Variants in GNAQ observed in about 807,000 individuals in gnomAD.
The protein encoded by GNAQ is G protein subunit alpha q.
GNAQ carries 8 observed loss-of-function variants against 43.9 expected under a neutral mutation model. That is an observed-to-expected ratio of 0.18 (90% CI 0.11 to 0.33). GNAQ has a LOEUF of 0.33. Ranked by LOEUF, GNAQ falls within the 10% of genes least tolerant of loss-of-function variation. The pLI is 1.00. For missense variants in GNAQ, 158 were observed against 450.8 expected (o/e 0.35, Z 5.88); for synonymous variants, 155 against 170.7 (o/e 0.91, Z 0.71).
At chr9:77,925,817 G>C (rs937672705) in intron 1 of GNAQ, among the ~76,000 whole-genome samples, 2 of 152,124 alleles carry the variant, frequency 1.3e-5, no homozygotes, top group African/African-American at 4.8e-5. Flanking sequence ...ATTGGTTCCA[G>C]GATTTCCCTC....
intron 2 of GNAQ, among the ~76,000 whole-genome samples, chr9:77,895,177 G>A (rs1433199911): frequency 1.4e-5 from 2 of 139,148 alleles, no homozygotes; most frequent in African/African-American, 5.3e-5. Flanking sequence ...CAGCCTGGGT[G>A]ACAGAGCGAG....
chr9:77,969,851 C>G (rs1349091674), intron 1 of GNAQ, among the ~76,000 whole-genome samples: 1 of 152,144 alleles, frequency 6.6e-6, no homozygotes, highest in Non-Finnish European at 1.5e-5. Flanking sequence ...GCATGCATTC[C>G]GTAGACACAG....
chr9:78,026,329 G>A (rs891297873), intron 1 of GNAQ, among the ~76,000 whole-genome samples: 1 of 152,178 alleles, frequency 6.6e-6, no homozygotes, highest in Admixed American at 6.5e-5. Context: ...CGAAGGCTTT[G>A]TTATACAGTC....
At chr9:77,814,708 C>T (rs1826984402) in intron 3 of GNAQ, among the ~76,000 whole-genome samples, 1 of 152,172 alleles carries the variant, frequency 6.6e-6, no homozygotes, top group South Asian at 2.1e-4. Context: ...CAAGGGCCCA[C>T]TCTCATCCAG....
intron 2 of GNAQ, among the ~76,000 whole-genome samples, chr9:77,908,315 G>A (rs1050789186): frequency 3.9e-5 from 6 of 152,128 alleles, no homozygotes; most frequent in African/African-American, 1.4e-4. Context: ...ACATTCTGAT[G>A]CCTTAAATCC....
chr9:77,875,292 G>C (rs2118043357), intron 2 of GNAQ, among the ~76,000 whole-genome samples: 2 of 152,246 alleles, frequency 1.3e-5, no homozygotes, highest in Middle Eastern at 6.8e-3. Context: ...TTTAGTCAAA[G>C]GCAAGAAGTT....
At chr9:77,948,727 C>G (rs1822937133) in intron 1 of GNAQ, among the ~76,000 whole-genome samples, 1 of 152,162 alleles carries the variant, frequency 6.6e-6, no homozygotes, top group Non-Finnish European at 1.5e-5. Flanking sequence ...GATTCTGCAG[C>G]CTGGGAAGCC....
intron 1 of GNAQ, among the ~76,000 whole-genome samples, chr9:77,925,479 G>A (rs1209931318): frequency 6.6e-6 from 1 of 152,080 alleles, no homozygotes; most frequent in Non-Finnish European, 1.5e-5. Context: ...TCTGGGCTTT[G>A]ACTACACCCA....
chr9:77,830,423 T>C (rs555242852), intron 2 of GNAQ, among the ~76,000 whole-genome samples: 6 of 152,186 alleles, frequency 3.9e-5, no homozygotes, highest in African/African-American at 1.2e-4. Context: ...ATGCATGGAG[T>C]AACAATGGCG....
chr9:77,887,925 T>G (rs1188715890), intron 2 of GNAQ, among the ~76,000 whole-genome samples: 4 of 152,224 alleles, frequency 2.6e-5, no homozygotes, highest in Non-Finnish European at 5.9e-5. Flanking sequence ...AATAATTCTT[T>G]TAGCAATTAT....
intron 1 of GNAQ, among the ~76,000 whole-genome samples, chr9:78,023,002 G>A (rs1370219462): frequency 6.6e-6 from 1 of 152,188 alleles, no homozygotes; most frequent in Non-Finnish European, 1.5e-5. Context: ...ATCATTAAGT[G>A]AGGAAGATGC....
chr9:77,907,931 G>A (rs1020467580), intron 2 of GNAQ, among the ~76,000 whole-genome samples: 26 of 152,156 alleles, frequency 1.7e-4, no homozygotes, highest in African/African-American at 6.0e-4. Context: ...TGCCAAAGGT[G>A]TTTATGGAGT....
intron 5 of GNAQ, among the ~76,000 whole-genome samples, chr9:77,753,066 G>A (rs1369330406): frequency 1.7e-5 from 2 of 118,534 alleles, no homozygotes; most frequent in Non-Finnish European, 1.6e-5. Context: ...CAGCCTGGGA[G>A]ACAGAGCAAG....
intron 3 of GNAQ, among the ~76,000 whole-genome samples, chr9:77,802,185 CA>C (rs931505115): frequency 2.0e-5 from 3 of 151,714 alleles, no homozygotes; most frequent in Non-Finnish European, 4.4e-5. Context: ...AAAAACAAAA[CA>C]AAAAACAAAA....
At chr9:77,889,162 C>G (rs959894605) in intron 2 of GNAQ, among the ~76,000 whole-genome samples, 6 of 151,898 alleles carry the variant, frequency 4.0e-5, no homozygotes, top group Non-Finnish European at 8.8e-5. Flanking sequence ...CACCTGTAAT[C>G]CCAGCACTTT....
chr9:77,927,697 A>G (rs1829089930), intron 1 of GNAQ, among the ~76,000 whole-genome samples: 1 of 152,120 alleles, frequency 6.6e-6, no homozygotes, highest in African/African-American at 2.4e-5. Context: ...AACAGTTACC[A>G]AAACTGTGGC....
intron 1 of GNAQ, among the ~76,000 whole-genome samples, chr9:77,950,198 G>C (rs887838480): frequency 6.6e-6 from 1 of 152,164 alleles, no homozygotes. Context: ...TCATGTGCTG[G>C]TCAGCTCTAA....
At chr9:77,913,822 G>C (rs911031935) in intron 2 of GNAQ, among the ~76,000 whole-genome samples, 4 of 152,068 alleles carry the variant, frequency 2.6e-5, no homozygotes, top group Non-Finnish European at 5.9e-5. Flanking sequence ...AAAAAATCCA[G>C]ATATACATGT....
chr9:77,928,808 T>C lies in GNAQ; in HGVS notation c.137-6463A>G, dbSNP rs554185914. 3.3e-5 allele frequency among the ~76,000 whole-genome samples: 5 copies of C among 152,244 alleles called. No individual in the cohort carries two copies. The South Asian group carries it at 8.3e-4, about 25-fold the overall frequency. ...GCCAAGGTGGGCAGATCACTTGAGG[T>C]CAGGAGTTCGAGACCAGCCTGGCCA... On this transcript the variant is annotated intron_variant, in intron 1 of 6. Transcript: ENST00000286548.
Sources: gnomAD v4.1 joint callset for allele counts (sites outside exome capture counted in the v4.1 genomes callset) on GRCh38, gnomAD v4.1.1 for gene constraint, MANE v1.5 for transcripts, NCBI Gene and HGNC (gene_info 2026-07-23, HGNC 2026-07-21) for gene names.